The following ULK4 variants were observed in gnomAD, a reference collection of about 807,000 sequenced individuals.
ULK4 encodes inactive serine/threonine-protein kinase ULK4.
In ULK4, 133 loss-of-function variants were observed where a neutral mutation model predicts 160.6. The ratio of observed to expected loss-of-function variants is 0.83; its 90% CI spans 0.72 to 0.96. The LOEUF (loss-of-function observed/expected upper bound fraction) is 0.96, where lower values mean the gene tolerates loss of function less well. ULK4 is among the 40% of genes least tolerant of loss of function. The pLI is 0.00. For synonymous variants in ULK4, 534 were observed against 539.8 expected (o/e 0.99, Z 0.15); for missense variants, 1,580 against 1,499.5 (o/e 1.05, Z -0.89).
intron 17 of ULK4, among the ~76,000 whole-genome samples, chr3:41,847,299 C>T (rs1162294775): frequency 6.6e-6 from 1 of 152,124 alleles, no homozygotes; most frequent in Non-Finnish European, 1.5e-5. Flanking sequence ...AACTAATATT[C>T]TAATACTTGC....
At chr3:41,564,364 G>A (rs116389378) in intron 32 of ULK4, among the ~76,000 whole-genome samples, 345 of 151,684 alleles carry the variant, frequency 2.3e-3, no homozygotes, top group Non-Finnish European at 3.1e-3. Flanking sequence ...GAGGTAGTCC[G>A]TCCGTTCTGA....
At chr3:41,282,745 G>T (rs1215372188) in intron 35 of ULK4, among the ~76,000 whole-genome samples, 1 of 152,174 alleles carries the variant, frequency 6.6e-6, no homozygotes, top group Non-Finnish European at 1.5e-5. Context: ...CATGGGCAAA[G>T]ACTTCATGAC....
At chr3:41,506,777 T>TAAATATATATATAA (rs1559658166) in intron 32 of ULK4, among the ~76,000 whole-genome samples, 1 of 17,426 alleles carries the variant, frequency 5.7e-5, no homozygotes, top group Non-Finnish European at 1.7e-4. Flanking sequence ...AATATATATA[T>TAAATATATATATAA]ATATATATAT....
intron 32 of ULK4, among the ~76,000 whole-genome samples, chr3:41,471,103 T>C (rs577170166): frequency 1.3e-5 from 2 of 151,956 alleles, no homozygotes; most frequent in East Asian, 1.9e-4. Context: ...GCCTACAAGA[T>C]ACTCACCTCA....
chr3:41,329,000 C>G (rs751242918), intron 35 of ULK4, among the ~76,000 whole-genome samples: 13 of 152,140 alleles, frequency 8.5e-5, no homozygotes, highest in Non-Finnish European at 1.8e-4. Context: ...CCACCACAAT[C>G]AAGATAAAAA....
intron 31 of ULK4, among the ~76,000 whole-genome samples, chr3:41,606,685 T>C (rs1383473958): frequency 2.0e-5 from 3 of 152,094 alleles, no homozygotes; most frequent in African/African-American, 7.2e-5. Flanking sequence ...AAGATTCTCA[T>C]CACGATTTTG....
chr3:41,917,147 CATA>C lies in ULK4; in HGVS notation c.728-1098_728-1096del, dbSNP rs560676515. Among the ~76,000 whole-genome samples, 283 of 152,264 alleles carry C rather than the reference CATA, an allele frequency of 1.9e-3. 1 individual carries two copies. The highest frequency in any genetic ancestry group is 3.6e-3 in the Non-Finnish European group (242 of 68,026). Reference sequence around the variant, plus strand: ...TGACACTGTCCAATACCACTAATCTCATAATGTTTTGTCTTTTTAAATTAGTTA... The same window carrying C: ...TGACACTGTCCAATACCACTAATCTCATGTTTTGTCTTTTTAAATTAGTTA... On this transcript the variant is annotated intron_variant, in intron 7 of 36. Coordinates refer to ENST00000301831, the MANE Select transcript of ULK4 (RefSeq NM_017886.4).
intron 34 of ULK4, among the ~76,000 whole-genome samples, chr3:41,447,316 C>A (rs941026321): frequency 6.6e-6 from 1 of 152,062 alleles, no homozygotes; most frequent in Non-Finnish European, 1.5e-5. Context: ...GAAAAGAAGA[C>A]AGGAGAATGC....
chr3:41,581,622 C>G (rs957079487), intron 31 of ULK4, among the ~76,000 whole-genome samples: 4 of 152,200 alleles, frequency 2.6e-5, no homozygotes, highest in Non-Finnish European at 4.4e-5. Flanking sequence ...TCTATATGAA[C>G]AGCAGGCTAG....
At chr3:41,262,421 AG>A (rs2078963007) in intron 35 of ULK4, among the ~76,000 whole-genome samples, 1 of 152,174 alleles carries the variant, frequency 6.6e-6, no homozygotes, top group South Asian at 2.1e-4. Context: ...GATGATGGTA[AG>A]CTAGCGTTTG....
Position 41,412,553 on chromosome 3 carries a change from A to ATTTTTTT in ULK4, c.3493-14296_3493-14290dup, listed in dbSNP as rs57224854. On this transcript the variant is annotated intron_variant, in intron 34 of 36. Coordinates refer to ENST00000301831, the MANE Select transcript of ULK4 (RefSeq NM_017886.4). ...TAAAGGTCAATGGCAATGCAGTTGA[A>ATTTTTTT]TTTTTTTTTTTTTTTTTTTTTTTTT... is the stretch of plus-strand genomic sequence containing the variant. Among the ~76,000 whole-genome samples, 442 of 100,374 alleles carry ATTTTTTT rather than the reference A, an allele frequency of 4.4e-3. 38 individuals carry two copies. Among genetic ancestry groups the ATTTTTTT allele is most frequent in the African/African-American group, 0.017 (407 of 24,038 alleles). 65.8% of individuals were successfully genotyped at this position (100,374 alleles called of 152,430 possible). A position where few individuals can be genotyped will look rare whatever the true frequency, so the allele number is the denominator to read the frequency against.
chr3:41,548,215 G>C lies in ULK4; in HGVS notation c.3226+17810C>G, dbSNP rs76430381. On this transcript the variant is annotated intron_variant, in intron 32 of 36. Transcript: ENST00000301831. ...GTCTGAGGAAGGCCCTGCTTCACCT[G>C]GTGTCACCTCTCTAGGTGTCCACAC... Among the ~76,000 whole-genome samples, 404 of 152,142 alleles carry C rather than the reference G, an allele frequency of 2.7e-3. 2 individuals carry two copies. The highest frequency in any genetic ancestry group is 8.8e-3 in the African/African-American group (366 of 41,530).
At chr3:41,658,326 T>G (rs2035016985) in intron 30 of ULK4, among the ~76,000 whole-genome samples, 1 of 152,190 alleles carries the variant, frequency 6.6e-6, no homozygotes. Flanking sequence ...CCCTAGAGAT[T>G]GTGATTTAAT....
At chr3:41,829,467 A>C (rs2041492724) in intron 18 of ULK4, among the ~76,000 whole-genome samples, 1 of 151,892 alleles carries the variant, frequency 6.6e-6, no homozygotes, top group Admixed American at 6.6e-5. Flanking sequence ...AAACAACCCC[A>C]TCAACAAGTG....
chr3:41,610,024 T>A (rs971362753), intron 31 of ULK4, among the ~76,000 whole-genome samples: 26 of 151,548 alleles, frequency 1.7e-4, no homozygotes, highest in African/African-American at 5.5e-4. Flanking sequence ...AATTTTATTT[T>A]TTTTTTTTTG....
At chr3:41,708,177 C>CATACATATAT (rs2036970697) in intron 25 of ULK4, among the ~76,000 whole-genome samples, 2 of 149,936 alleles carry the variant, frequency 1.3e-5, no homozygotes, top group African/African-American at 4.9e-5. Flanking sequence ...AATACATATA[C>CATACATATAT]ATATATATAT....
intron 18 of ULK4, among the ~76,000 whole-genome samples, chr3:41,834,725 G>A (rs1294048219): frequency 6.6e-6 from 1 of 152,186 alleles, no homozygotes; most frequent in East Asian, 1.9e-4. Context: ...TAACATTTGA[G>A]CAAGTGCTAG....
chr3:41,532,710 T>G (rs1254874501), intron 32 of ULK4, among the ~76,000 whole-genome samples: 1 of 152,150 alleles, frequency 6.6e-6, no homozygotes, highest in Non-Finnish European at 1.5e-5. Context: ...AAGAGTGGAT[T>G]TAAATAGTTG....
At chr3:41,590,229 C>A (rs1355615253) in intron 31 of ULK4, among the ~76,000 whole-genome samples, 1 of 151,688 alleles carries the variant, frequency 6.6e-6, no homozygotes, top group Non-Finnish European at 1.5e-5. Context: ...GTCTCGCTCT[C>A]CTGACCTCAT....
Sources: gnomAD v4.1 joint callset for allele counts (sites outside exome capture counted in the v4.1 genomes callset) on GRCh38, gnomAD v4.1.1 for gene constraint, MANE v1.5 for transcripts, NCBI Gene and HGNC (gene_info 2026-07-23, HGNC 2026-07-21) for gene names.